The following HERC2 variants were observed in gnomAD, a reference collection of about 807,000 sequenced individuals.
HERC2 encodes HECT and RLD domain containing E3 ubiquitin protein ligase 2.
HERC2 carries 102 observed loss-of-function variants against 537.7 expected under a neutral mutation model. The ratio of observed to expected loss-of-function variants is 0.19; its 90% CI spans 0.16 to 0.22. The LOEUF is 0.22. Ranked by LOEUF, HERC2 falls within the 10% of genes least tolerant of loss-of-function variation. HERC2 has a pLI of 1.00. For synonymous variants in HERC2, 2,224 were observed against 2,466.2 expected, an observed-to-expected ratio of 0.90 and a Z score of 2.91; for missense variants, 4,236 against 6,198.2, an observed-to-expected ratio of 0.68 and a Z score of 10.63.
rs1457894443 is a variant in HERC2 at position 28,232,800 on chromosome 15, C to A, written c.4675+346G>T. 2.0e-5 allele frequency among the ~76,000 whole-genome samples: 3 copies of A among 152,090 alleles called. No homozygotes were observed. In the South Asian group the frequency reaches 6.2e-4, roughly 32 times the overall value. ...AAAAAACATTTCTTTAGAAGAATGG[C>A]AATAAGTTTAAATGTTCCCATTATA... On this transcript the variant is annotated intron_variant, in intron 30 of 92. Coordinates refer to ENST00000261609, the MANE Select transcript of HERC2 (RefSeq NM_004667.6).
chr15:28,132,743 G>A lies in HERC2; in HGVS notation c.12318C>T (p.Val4106=), dbSNP rs1364315840. Reference sequence around the variant, plus strand: ...ATGTGTAGAGGTCCCCGGCTGCTGTGACACAGGCGCTGTGGGCTCCGCCAG... The same window carrying A: ...ATGTGTAGAGGTCCCCGGCTGCTGTAACACAGGCGCTGTGGGCTCCGCCAG... The part of the protein sequence containing the change: ...VAAGGAHSAC[V]TAAGDLYTWG... Residue 4106 remains valine (V), a synonymous_variant, in exon 80 of 93, where the codon GTC becomes GTT. Transcript: ENST00000261609. 6.2e-7 allele frequency: 1 copy of A among 1,608,562 alleles called. No individual in the cohort carries two copies.
intron 3 of HERC2, among the ~76,000 whole-genome samples, chr15:28,294,595 T>C (rs2076409215): frequency 6.6e-6 from 1 of 150,664 alleles, no homozygotes; most frequent in African/African-American, 2.4e-5. Context: ...ACAACCTCCT[T>C]ATCGCGGAAA....
Position 28,215,731 on chromosome 15 carries a change from C to A in HERC2, c.6100G>T (p.Ala2034Ser), listed in dbSNP as rs750094751. The A allele has an allele frequency of 3.1e-6, 5 of 1,611,878 alleles. No individual in the cohort carries two copies. The East Asian group carries it at 1.1e-4, about 36-fold the overall frequency. ...WCTLGFVRSI[A>S]LTPQVCGALS... ...GCGCCGCATACCTGCGGCGTGAGAG[C>A]GATGCTCCGCACAAACCCCAGCGTG... The change falls in exon 39 of 93, where the codon GCT becomes TCT. Residue 2034 changes from alanine (A) to serine (S), a missense_variant. By Grantham distance (99) the Ala-to-Ser change is moderately conservative (BLOSUM62 1). Around this residue, in one of 27 missense-constraint regions of HERC2, gnomAD observed 365 missense variants for 468.8 expected, o/e 0.78. Transcript: ENST00000261609.
intron 86 of HERC2, among the ~76,000 whole-genome samples, chr15:28,119,849 A>G (rs557509900): frequency 3.9e-5 from 6 of 152,304 alleles, no homozygotes; most frequent in Non-Finnish European, 7.4e-5. Flanking sequence ...TGAGTAAGAA[A>G]GAGGTGCTCA....
At chr15:28,130,332 G>T in intron 82 of HERC2, 30 bp from the exon 83 acceptor site, 1 of 1,613,666 alleles carries the variant, frequency 6.2e-7, no homozygotes. Context: ...GGAAATTATG[G>T]GGCAAGGTGA....
rs1355810707 is a variant in HERC2, at chr15:28,177,086, T to C, written c.9296A>G (p.Lys3099Arg). The C allele has an allele frequency of 1.2e-6, 2 of 1,613,590 alleles. No homozygotes were observed. The highest frequency in any genetic ancestry group is 1.7e-6 in the Non-Finnish European group (2 of 1,179,654). Residue 3099 changes from lysine (K) to arginine (R), a missense_variant, in exon 61 of 93, where the codon AAG becomes AGG. Physicochemically the swap from Lys to Arg is conservative, Grantham distance 26. This residue lies in a region of HERC2 where 606 missense variants were observed against 884.5 expected (regional missense o/e 0.69). Coordinates refer to ENST00000261609, the MANE Select transcript of HERC2 (RefSeq NM_004667.6). The surrounding 1 kb of genome is among the most constrained non-coding windows in gnomAD (Gnocchi z 5.0). ...KPRLIEALKT[K>R]RIRDIACGSS... ...CCCACAGGCGATATCCCGGATACGC[T>C]TGGTTTTCAGGGCCTCGATCAGCCT...
intron 20 of HERC2, among the ~76,000 whole-genome samples, chr15:28,251,072 C>T (rs2075060500): frequency 6.6e-6 from 1 of 152,170 alleles, no homozygotes; most frequent in African/African-American, 2.4e-5. Flanking sequence ...CAGGAGACAA[C>T]CTGTGTGGAC....
intron 78 of HERC2, among the ~76,000 whole-genome samples, chr15:28,139,545 AT>A (rs1188493714): frequency 1.3e-5 from 2 of 152,234 alleles, no homozygotes; most frequent in Non-Finnish European, 2.9e-5. Flanking sequence ...GCTATGCTGC[AT>A]CCAGAGTCCT....
chr15:28,259,788 C>T (rs1479878508), intron 16 of HERC2, among the ~76,000 whole-genome samples: 4 of 150,592 alleles, frequency 2.7e-5, no homozygotes, highest in Admixed American at 2.7e-4. Flanking sequence ...AACCCCATCT[C>T]CACTAAAAAG....
At chr15:28,288,987 G>A (rs60537567) in intron 4 of HERC2, among the ~76,000 whole-genome samples, 4,793 of 142,652 alleles carry the variant, frequency 0.034, 56 homozygotes, top group African/African-American at 0.089. Flanking sequence ...CAGCAACACT[G>A]CCAACCAAGA....
intron 78 of HERC2, among the ~76,000 whole-genome samples, chr15:28,137,460 T>C (rs1890767470): frequency 6.6e-6 from 1 of 152,238 alleles, no homozygotes; most frequent in Admixed American, 6.5e-5. Context: ...CAAAAGCATG[T>C]GCTGACTTAC....
intron 5 of HERC2, 140 bp from the exon 6 acceptor site, chr15:28,275,145 T>TAAA (rs2075837563): frequency 4.1e-6 from 2 of 493,290 alleles, no homozygotes; most frequent in Admixed American, 3.4e-5. Context: ...AGTGGATTTT[T>TAAA]CGTTTTGTTG....
intron 4 of HERC2, among the ~76,000 whole-genome samples, chr15:28,287,015 G>A (rs1030246023): frequency 2.0e-5 from 3 of 152,122 alleles, no homozygotes; most frequent in African/African-American, 4.8e-5. Context: ...TAATGCCAGC[G>A]GCACAGTCTC....
intron 14 of HERC2, among the ~76,000 whole-genome samples, chr15:28,263,654 G>A (rs2075474114): frequency 6.6e-6 from 1 of 152,166 alleles, no homozygotes; most frequent in Non-Finnish European, 1.5e-5. Flanking sequence ...GGGATAAAAT[G>A]CAATTGCAAA....
At chr15:28,297,402 T>C (rs2076498501) in intron 3 of HERC2, among the ~76,000 whole-genome samples, 1 of 151,706 alleles carries the variant, frequency 6.6e-6, no homozygotes, top group South Asian at 2.1e-4. Flanking sequence ...TATCTAATAC[T>C]GAAATGGAGA....
At position 28,163,091 on chromosome 15, in the gene HERC2, C is replaced by T. The variant is rs760706124; in HGVS notation, c.10746+3G>A. ...AGACGGCCCCGCCCTCCCTGAGACT[C>T]ACCTGTGGGTAGGCGGTCCCCATGC... On this transcript the variant is annotated splice_donor_region_variant and intron_variant, in intron 69 of 92. Transcript: ENST00000261609. 4 of 1,607,046 alleles carry T rather than the reference C, an allele frequency of 2.5e-6. No individual in the cohort carries two copies. The South Asian group carries it at 3.3e-5, about 13-fold the overall frequency.
At chr15:28,186,817 GAA>G in intron 55 of HERC2, 65 bp from the exon 56 acceptor site, 1 of 1,206,518 alleles carries the variant, frequency 8.3e-7, no homozygotes, top group South Asian at 1.3e-5. Flanking sequence ...TCTAACTGGA[GAA>G]CGGGATGTGT....
At chr15:28,313,254 C>T (rs1362398596) in intron 2 of HERC2, among the ~76,000 whole-genome samples, 3 of 147,504 alleles carry the variant, frequency 2.0e-5, no homozygotes, top group South Asian at 2.1e-4. Flanking sequence ...AGTGCAGTGG[C>T]GCCATCTTGG....
In HERC2 at chr15:28,231,876, A is replaced by G. The variant is rs192262189; in HGVS notation, c.4675+1270T>C. Among the ~76,000 whole-genome samples the G allele has an allele frequency of 5.2e-4, 79 of 152,230 alleles. No homozygotes were observed. The East Asian group carries it at 0.01, about 20-fold the overall frequency. ...AGAAAACCAGCTTGAAACAACACAC[A>G]ATAAATCTATAAACCCACAGGAAAC... On this transcript the variant is annotated intron_variant, in intron 30 of 92. Transcript: ENST00000261609.
Sources: allele counts gnomAD v4.1 joint callset (sites outside exome capture counted in the v4.1 genomes callset), GRCh38; gene constraint gnomAD v4.1.1; regional missense constraint gnomAD v4.1.1; non-coding constraint Gnocchi (gnomAD v3.1); transcripts MANE v1.5; gene names NCBI Gene and HGNC (gene_info 2026-07-23, HGNC 2026-07-21).